Variants in EP400 observed in about 807,000 individuals in gnomAD.
EP400 encodes E1A-binding protein p400.
Under a neutral mutation model 354.1 loss-of-function variants are expected in EP400, and 105 were observed. The ratio of observed to expected loss-of-function variants is 0.30; its 90% CI spans 0.25 to 0.35. The LOEUF (loss-of-function observed/expected upper bound fraction) is 0.35. Ranked by LOEUF, EP400 falls within the 10% of genes least tolerant of loss-of-function variation. The pLI, the probability that EP400 is intolerant of heterozygous loss-of-function variation, is 1.00. For missense variants in EP400, 3,280 were observed against 4,121.0 expected, an observed-to-expected ratio of 0.80 and a Z score of 5.59; for synonymous variants, 1,646 against 1,716.9, an observed-to-expected ratio of 0.96 and a Z score of 1.02.
At position 132,053,560 on chromosome 12, in the gene EP400, A is replaced by G; in HGVS notation, c.7691A>G (p.Gln2564Arg). 1 of 1,564,508 alleles carries G rather than the reference A, an allele frequency of 6.4e-7. No homozygotes were observed. The highest frequency in any genetic ancestry group is 8.6e-7 in the Non-Finnish European group (1 of 1,161,600). Residue 2564 changes from glutamine to arginine, a missense_variant, in exon 43 of 53, where the codon CAG (glutamine) becomes CGG (arginine). Physicochemically the swap from Gln to Arg is conservative, Grantham distance 43 (BLOSUM62 1). Coordinates refer to ENST00000389561, the MANE Select transcript of EP400 (RefSeq NM_015409.5). ...CCTGTGCAGGCCCCAGCGAAGGCGCAGCCCGCAATCACGACGGGGGGCAGT... is the reference window on the plus strand; with the variant it reads ...CCTGTGCAGGCCCCAGCGAAGGCGCGGCCCGCAATCACGACGGGGGGCAGT... Reference protein sequence around the residue: ...PQPVQAPAKAQPAITTGGSAA... With the variant: ...PQPVQAPAKARPAITTGGSAA...
At position 131,961,184 on chromosome 12, in the gene EP400, C is replaced by T. The variant is rs1436477303; in HGVS notation, c.565C>T (p.His189Tyr). ...CAGCTTGAGCCCCTCCAGTGGTGGA[C>T]ACTTTGTGTTTCAGGATGGGTCAGG... ...QISLSPSSGG[H>Y]FVFQDGSGLT... The change falls in exon 2 of 53, where the codon CAC becomes TAC. Residue 189 changes from histidine (H) to tyrosine (Y), a missense_variant. By Grantham distance (83) the His-to-Tyr change is moderately conservative (BLOSUM62 2). This residue lies in a region of EP400 where 11 missense variants were observed against 42.2 expected (regional missense o/e 0.26). Coordinates refer to ENST00000389561, the MANE Select transcript of EP400 (RefSeq NM_015409.5). The T allele has an allele frequency of 6.4e-7, 1 of 1,567,576 alleles. No homozygotes were observed. Among genetic ancestry groups the T allele is most frequent in the Non-Finnish European group, 8.7e-7 (1 of 1,153,486 alleles).
chr12:132,032,335 C>G (rs1894541464), intron 30 of EP400, among the ~76,000 whole-genome samples, 186 bp downstream of exon 30: 1 of 152,212 alleles, frequency 6.6e-6, no homozygotes, highest in South Asian at 2.1e-4. Flanking sequence ...TAATTTTAAA[C>G]TAGGGTTTGT....
chr12:132,049,879 T>A (rs987212274), intron 39 of EP400, among the ~76,000 whole-genome samples: 1 of 152,216 alleles, frequency 6.6e-6, no homozygotes, highest in Admixed American at 6.5e-5. Context: ...GAATGTACTT[T>A]GAGACACCAC....
At chr12:132,011,808 C>T (rs1191641164) in intron 16 of EP400, among the ~76,000 whole-genome samples, 174 bp downstream of exon 16, 4 of 152,238 alleles carry the variant, frequency 2.6e-5, no homozygotes, top group Non-Finnish European at 5.9e-5. Context: ...AATACCGCAT[C>T]GGCCTGGCCA....
At chr12:131,969,955 A>C (rs1892233724) in intron 2 of EP400, among the ~76,000 whole-genome samples, 1 of 152,192 alleles carries the variant, frequency 6.6e-6, no homozygotes, top group Non-Finnish European at 1.5e-5. Flanking sequence ...AAGCTGAGGC[A>C]CAAGAATTGC....
chr12:132,005,279 T>C, intron 13 of EP400, 95 bp downstream of exon 13: 2 of 832,242 alleles, frequency 2.4e-6, no homozygotes, highest in Non-Finnish European at 1.8e-6. Context: ...TTCTTTTAGT[T>C]TGATAAAATA....
At position 132,008,919 on chromosome 12, in the gene EP400, CT is replaced by C. The variant is rs774921042; in HGVS notation, c.3304+2065del. Among the ~76,000 whole-genome samples, 435 of 114,746 alleles carry C rather than the reference CT, an allele frequency of 3.8e-3. 5 individuals carry two copies. The highest frequency in any genetic ancestry group is 9.1e-3 in the Admixed American group (104 of 11,386). The allele number at this position is 114,746 out of a possible 152,430, so 75.3% of individuals were successfully genotyped here. A position where few individuals can be genotyped will look rare whatever the true frequency, so the allele number is the denominator to read the frequency against. On this transcript the variant is annotated intron_variant, in intron 15 of 52. Coordinates refer to ENST00000389561, the MANE Select transcript of EP400 (RefSeq NM_015409.5). ...ACAGGCGTGAGACACCGTGCCCAGC[CT>C]TTTTTTTTTTTTTTTTTTTTTTAGG...
chr12:132,029,707 C>T lies in EP400; in HGVS notation c.5388C>T (p.Ala1796=). 6.2e-7 allele frequency: 1 copy of T among 1,612,168 alleles called. No homozygotes were observed. Among genetic ancestry groups the T allele is most frequent in the East Asian group, 2.2e-5 (1 of 44,868 alleles). ...ESLQDVIDRV[A]FVIPPVVAAP... is the part of the protein sequence containing the mutation. ...CATGCTTTCTGCTCCTCAGGGTGGC[C>T]TTTGTGATTCCTCCGGTGGTGGCAG... is the stretch of plus-strand genomic sequence containing the variant. The change falls in exon 28 of 53, where the codon GCC becomes GCT. Residue 1796 remains alanine, a synonymous_variant. Transcript: ENST00000389561. This position sits in a 1 kb window ranked among gnomAD's most constrained non-coding sequence, Gnocchi z 4.7.
In EP400 at chr12:132,067,036, G is replaced by A. The variant is rs1895914729; in HGVS notation, c.8749+67G>A. ...GGTTTCACAGGCCTCTCTGGTGGCAGTGGTCGCCAGCGACCCGTGTTCTTT... is the reference window on the plus strand; with the variant it reads ...GGTTTCACAGGCCTCTCTGGTGGCAATGGTCGCCAGCGACCCGTGTTCTTT... On this transcript the variant is annotated intron_variant, in intron 49 of 52. Coordinates refer to ENST00000389561, the MANE Select transcript of EP400 (RefSeq NM_015409.5). This position sits in a 1 kb window ranked among gnomAD's most constrained non-coding sequence, Gnocchi z 5.3. The A allele has an allele frequency of 2.7e-6, 4 of 1,458,028 alleles. No individual in the cohort carries two copies. The highest frequency in any genetic ancestry group is 3.6e-6 in the Non-Finnish European group (4 of 1,105,236). 90.3% of individuals were successfully genotyped at this position (1,458,028 alleles called of 1,614,324 possible).
Position 132,013,111 on chromosome 12 carries a change from A to G in EP400, c.3544A>G (p.Ile1182Val). Reference sequence around the variant, plus strand: ...ACGAGTGCGCTGGAAGTGCCTGGTCATTGATGAGATGCAGCGCGTGAAGGG... The same window carrying G: ...ACGAGTGCGCTGGAAGTGCCTGGTCGTTGATGAGATGCAGCGCGTGAAGGG... Reference protein sequence around the residue: ...FTRVRWKCLVIDEMQRVKGMT... With the variant: ...FTRVRWKCLVVDEMQRVKGMT... Residue 1182 changes from isoleucine (I) to valine (V), a missense_variant, in exon 17 of 53, where the codon ATT (isoleucine) becomes GTT (valine). Around this residue, in one of 20 missense-constraint regions of EP400, gnomAD observed 242 missense variants for 357.9 expected, o/e 0.68. Coordinates refer to ENST00000389561, the MANE Select transcript of EP400 (RefSeq NM_015409.5). This position sits in a 1 kb window ranked among gnomAD's most constrained non-coding sequence, Gnocchi z 4.5. The G allele has an allele frequency of 1.2e-6, 2 of 1,614,144 alleles. No individual in the cohort carries two copies. The highest frequency in any genetic ancestry group is 8.5e-7 in the Non-Finnish European group (1 of 1,180,022).
chr12:132,041,288 C>T (rs563087842), intron 32 of EP400, among the ~76,000 whole-genome samples: 14 of 152,358 alleles, frequency 9.2e-5, no homozygotes, highest in African/African-American at 3.4e-4. Context: ...ACAAAACATA[C>T]AGCAAGTGTA....
At position 132,075,134 on chromosome 12, in the gene EP400, G is replaced by A. The variant is rs1334083683; in HGVS notation, c.9022-1382G>A. 6.6e-6 allele frequency among the ~76,000 whole-genome samples: 1 copy of A among 152,110 alleles called. No homozygotes were observed. The highest frequency in any genetic ancestry group is 1.5e-5 in the Non-Finnish European group (1 of 68,032). On this transcript the variant is annotated intron_variant, in intron 51 of 52. Transcript: ENST00000389561. This position sits in a 1 kb window ranked among gnomAD's most constrained non-coding sequence, Gnocchi z 4.5. ...TCTTACAGATGCCACTGGAGGAAGG[G>A]GATGCTTTCTTTGCAGCCTTTGGGT... is the stretch of plus-strand genomic sequence containing the variant.
chr12:132,064,907 G>T (rs1483267521), intron 48 of EP400, 21 bp downstream of exon 48: 3 of 1,582,338 alleles, frequency 1.9e-6, no homozygotes, highest in Admixed American at 3.6e-5. Context: ...GTTTCTGTTT[G>T]TTTTCCAAAA....
rs1198109089 is a variant in EP400, at chr12:132,045,824, G to A, written c.7124G>A (p.Cys2375Tyr). 1 of 1,614,200 alleles carries A rather than the reference G, an allele frequency of 6.2e-7. No individual in the cohort carries two copies. The highest frequency in any genetic ancestry group is 2.2e-5 in the East Asian group (1 of 44,876). Residue 2375 changes from cysteine (C) to tyrosine (Y), a missense_variant, in exon 39 of 53, where the codon TGT (cysteine) becomes TAT (tyrosine). Transcript: ENST00000389561. Reference sequence around the variant, plus strand: ...CTTGTCAGTGACGTTGTTAACTCCTGTAGCCGAATCTACCGCTCTTCCAAA... The same window carrying A: ...CTTGTCAGTGACGTTGTTAACTCCTATAGCCGAATCTACCGCTCTTCCAAA... ...WDLVSDVVNSCSRIYRSSKQC... is the reference protein window; with the variant it reads ...WDLVSDVVNSYSRIYRSSKQC...
chr12:131,954,243 C>T (rs1241974796), intron 1 of EP400, among the ~76,000 whole-genome samples: 1 of 151,090 alleles, frequency 6.6e-6, no homozygotes, highest in Non-Finnish European at 1.5e-5. Flanking sequence ...AAAAAACCAA[C>T]ACATTTCAAA....
At chr12:132,001,669 A>C (rs999342584) in intron 12 of EP400, among the ~76,000 whole-genome samples, 1 of 152,162 alleles carries the variant, frequency 6.6e-6, no homozygotes, top group Non-Finnish European at 1.5e-5. Context: ...CTGAGGCTAC[A>C]ACAGGCGTCT....
chr12:131,980,429 T>C (rs1892640620), intron 3 of EP400, among the ~76,000 whole-genome samples: 1 of 152,236 alleles, frequency 6.6e-6, no homozygotes, highest in Admixed American at 6.5e-5. Flanking sequence ...GATGGTTGGT[T>C]CTTTATCAGT....
chr12:132,043,840 A>G, intron 34 of EP400, 112 bp downstream of exon 34: 2 of 980,800 alleles, frequency 2.0e-6, no homozygotes, highest in South Asian at 1.7e-5. Flanking sequence ...GCCAAAACCC[A>G]CAAGTATGGA....
At chr12:132,051,840 A>C (rs756648353) in intron 41 of EP400, among the ~76,000 whole-genome samples, 1 of 152,054 alleles carries the variant, frequency 6.6e-6, no homozygotes, top group Non-Finnish European at 1.5e-5. Flanking sequence ...TTCCCGGTCC[A>C]CTAAGTAGTG....
Sources: gnomAD v4.1 joint callset for allele counts (sites outside exome capture counted in the v4.1 genomes callset) on GRCh38, gnomAD v4.1.1 for gene constraint, gnomAD v4.1.1 regional missense constraint, Gnocchi (gnomAD v3.1) non-coding constraint, MANE v1.5 for transcripts, NCBI Gene and HGNC (gene_info 2026-07-23, HGNC 2026-07-21) for gene names.